Variants in MAPK15 observed in about 807,000 individuals in gnomAD.
MAPK15 encodes mitogen-activated protein kinase 15.
MAPK15 carries 61 observed loss-of-function variants against 60.8 expected under a neutral mutation model. The ratio of observed to expected loss-of-function variants is 1.00; its 90% CI spans 0.82 to 1.24. MAPK15 has a LOEUF of 1.24. MAPK15 is among the 50% of genes most tolerant of loss of function. The pLI is 0.00. For missense variants in MAPK15, 808 were observed against 741.1 expected (o/e 1.09, Z -1.05); for synonymous variants, 356 against 319.9 (o/e 1.11, Z -1.21).
intron 4 of MAPK15, 51 bp from the exon 5 acceptor site, chr8:143,718,724 G>GTT: frequency 1.3e-6 from 1 of 783,686 alleles, no homozygotes; most frequent in East Asian, 2.8e-5. Flanking sequence ...CTCCCCCCAG[G>GTT]TTGCCCCCCC....
At position 143,718,908 on chromosome 8, in the gene MAPK15, G is replaced by A. The variant is rs1554619063; in HGVS notation, c.417+3G>A. 2.5e-6 allele frequency: 4 copies of A among 1,603,280 alleles called. No individual in the cohort carries two copies. Among genetic ancestry groups the A allele is most frequent in the South Asian group, 1.1e-5 (1 of 89,916 alleles). ...ACGTTGTGCACCGGGACCAGAAGGT[G>A]CGGTTCCCCCGCCCCCGCTATGCCA... is the stretch of plus-strand genomic sequence containing the variant. On this transcript the variant is annotated splice_donor_region_variant and intron_variant, in intron 5 of 13. Coordinates refer to ENST00000338033, the MANE Select transcript of MAPK15 (RefSeq NM_139021.3).
rs1353787703 is a variant in MAPK15, at chr8:143,716,356, C to T, written c.-22C>T. On this transcript the variant is annotated 5_prime_UTR_variant, in exon 1 of 14. Transcript: ENST00000338033. The stretch of plus-strand genomic sequence containing the variant: ...CACGGCAACCGACTCAACAGTAAGG[C>T]CCCGCGGGCGTCCTGGCCGCCATGT... The T allele has an allele frequency of 2.5e-6, 4 of 1,587,822 alleles. No individual in the cohort carries two copies. The African/African-American group carries it at 5.6e-5, about 22-fold the overall frequency.
At chr8:143,718,727 G>GGCCCCCCCCCCCCCCCCCCC in intron 4 of MAPK15, 48 bp from the exon 5 acceptor site, 4 of 514,520 alleles carry the variant, frequency 7.8e-6, no homozygotes, top group Admixed American at 4.6e-5. Context: ...CCCCCAGGTT[G>GGCCCCCCCCCCCCCCCCCCC]CCCCCCCAGC....
rs782478131 is a variant in MAPK15 at position 143,721,324 on chromosome 8, GC to G, written c.1119del (p.Asp374ThrfsTer51). On this transcript the variant is annotated frameshift_variant, in exon 11 of 14. Transcript: ENST00000338033. LOFTEE classifies it high-confidence loss of function. ...CCAGGCACACCTGCACAAACCCAGA[GC>G]CGACCCTCAGCTGCCTTCTAGGACA... Reference protein sequence around the residue: ...PSQAHLHKPRADPQLPSRTPV... With the variant: ...PSQAHLHKPRXDPQLPSRTPV... 6.2e-7 allele frequency: 1 copy of G among 1,613,720 alleles called. No homozygotes were observed. Among genetic ancestry groups the G allele is most frequent in the South Asian group, 1.1e-5 (1 of 91,080 alleles).
In MAPK15 at chr8:143,721,620, A is replaced by C. The variant is rs1338593996; in HGVS notation, c.1276A>C (p.Asn426His). The C allele has an allele frequency of 6.2e-7, 1 of 1,612,032 alleles. No homozygotes were observed. The highest frequency in any genetic ancestry group is 1.3e-5 in the African/African-American group (1 of 74,974). The change falls in exon 12 of 14, where the codon AAT (asparagine) becomes CAT (histidine). Residue 426 changes from asparagine (N) to histidine (H), a missense_variant. Asn to His is a moderately conservative substitution (Grantham distance 68). Coordinates refer to ENST00000338033, the MANE Select transcript of MAPK15 (RefSeq NM_139021.3). ...APLLQTALLG[N>H]GERPPGAKEA... ...CCTGCTCCAAACTGCTCTCCTAGGG[A>C]ATGGGGAAAGGCCCCCTGGGGCGAA...
chr8:143,717,952 A>T, intron 2 of MAPK15, 95 bp from the exon 3 acceptor site: 1 of 1,567,158 alleles, frequency 6.4e-7, no homozygotes, highest in Non-Finnish European at 8.8e-7. Context: ...TCTGGTGGGT[A>T]TTGGGTGACA....
At chr8:143,718,727 G>GGGGCCCCCCCCCCCCCCCCCCCCC in intron 4 of MAPK15, 48 bp from the exon 5 acceptor site, 1 of 514,514 alleles carries the variant, frequency 1.9e-6, no homozygotes, top group Non-Finnish European at 3.2e-6. Flanking sequence ...CCCCCAGGTT[G>GGGGCCCCCCCCCCCCCCCCCCCCC]CCCCCCCAGC....
rs2131582679 is a variant in MAPK15, at chr8:143,721,577, C to T, written c.1233C>T (p.Pro411=). ...HESPRAAKNV[P]RQNSAPLLQT... ...CCCCCCGTGCAGCCAAGAACGTTCC[C>T]AGGCAGAACTCCGCTCCCCTGCTCC... Residue 411 remains proline, a synonymous_variant, in exon 12 of 14, where the codon CCC becomes CCT. Transcript: ENST00000338033. The T allele has an allele frequency of 6.2e-7, 1 of 1,613,712 alleles. No individual in the cohort carries two copies.
intron 4 of MAPK15, 49 bp from the exon 5 acceptor site, chr8:143,718,714 CTCCCCCCAGGTT>C: frequency 2.2e-6 from 2 of 907,330 alleles, no homozygotes; most frequent in Non-Finnish European, 1.7e-6. Context: ...CCCTCTCCCA[CTCCCCCCAGGTT>C]GCCCCCCCAG....
At chr8:143,717,037 T>C (rs1410503776) in intron 1 of MAPK15, among the ~76,000 whole-genome samples, 3 of 152,014 alleles carry the variant, frequency 2.0e-5, no homozygotes, top group Admixed American at 6.6e-5. Flanking sequence ...CAGGGTTGTG[T>C]ATGTGCAACT....
chr8:143,716,833 G>GGCCC (rs1440437079), intron 1 of MAPK15, among the ~76,000 whole-genome samples: 32 of 152,332 alleles, frequency 2.1e-4, no homozygotes, highest in African/African-American at 7.2e-4. Flanking sequence ...ACAGGGGCGA[G>GGCCC]GCCCGAGAAG....
chr8:143,719,439 G>C lies in MAPK15; in HGVS notation c.678G>C (p.Gln226His). 1 of 1,609,944 alleles carries C rather than the reference G, an allele frequency of 6.2e-7. No individual in the cohort carries two copies. Among genetic ancestry groups the C allele is most frequent in the Non-Finnish European group, 8.5e-7 (1 of 1,178,850 alleles). Reference sequence around the variant, plus strand: ...TCCCCGGCACGTCCACCCTCCACCAGCTGGAGCTGATCCTGGAGACCATCC... The same window carrying C: ...TCCCCGGCACGTCCACCCTCCACCACCTGGAGCTGATCCTGGAGACCATCC... ...PLFPGTSTLH[Q>H]LELILETIPP... Residue 226 changes from glutamine to histidine, a missense_variant, in exon 7 of 14, where the codon CAG (glutamine) becomes CAC (histidine). Transcript: ENST00000338033.
chr8:143,716,454 GGGGGTGCGTCCGCGCGCCGA>G lies in MAPK15; in HGVS notation c.66+16_66+35del. On this transcript the variant is annotated intron_variant, in intron 1 of 13. Transcript: ENST00000338033. Reference sequence around the variant, plus strand: ...CAGCTCGGGCAGGGGGTGAGTGCCTGGGGGTGCGTCCGCGCGCCGAGGGGCGCGGCAGATCTGCGGAGAGA... The same window carrying G: ...CAGCTCGGGCAGGGGGTGAGTGCCTGGGGGCGCGGCAGATCTGCGGAGAGA... 1 of 1,594,072 alleles carries G rather than the reference GGGGGTGCGTCCGCGCGCCGA, an allele frequency of 6.3e-7. No homozygotes were observed. The highest frequency in any genetic ancestry group is 8.5e-7 in the Non-Finnish European group (1 of 1,172,712).
chr8:143,720,947 T>C lies in MAPK15; in HGVS notation c.918-53T>C. On this transcript the variant is annotated intron_variant, in intron 9 of 13. Transcript: ENST00000338033. This position sits in a 1 kb window ranked among gnomAD's most constrained non-coding sequence, Gnocchi z 4.6. ...ACAGCAGGGACCCTGCTGTGACGGC[T>C]TGAGGGGCTCCCTTGGCCGCAGCCC... is the stretch of plus-strand genomic sequence containing the variant. 6.3e-7 allele frequency: 1 copy of C among 1,581,866 alleles called. No homozygotes were observed. Among genetic ancestry groups the C allele is most frequent in the Non-Finnish European group, 8.6e-7 (1 of 1,163,082 alleles).
rs1037820613 is a variant in MAPK15, at chr8:143,722,357, G to C, written c.*106G>C. 9.1e-7 allele frequency: 1 copy of C among 1,099,760 alleles called. No homozygotes were observed. Among genetic ancestry groups the C allele is most frequent in the Non-Finnish European group, 1.2e-6 (1 of 801,408 alleles). 68.1% of individuals were successfully genotyped at this position (1,099,760 alleles called of 1,614,324 possible). A position where few individuals can be genotyped will look rare whatever the true frequency, so the allele number is the denominator to read the frequency against. On this transcript the variant is annotated 3_prime_UTR_variant, in exon 14 of 14. Transcript: ENST00000338033. The stretch of plus-strand genomic sequence containing the variant: ...TAGCCCTCCCTGCTTTGCCTGGCCC[G>C]TTGAAGTTCCAGGGAGCTTGCCCGG...
In MAPK15 at chr8:143,720,576, A is replaced by T; in HGVS notation, c.780-127A>T. On this transcript the variant is annotated intron_variant, in intron 8 of 13. Transcript: ENST00000338033. This position sits in a 1 kb window ranked among gnomAD's most constrained non-coding sequence, Gnocchi z 4.6. ...CCCAGACTGCCTGCAGGTCAGGCAC[A>T]GGGGCATCTACCTAGACAGGACAGC... is the stretch of plus-strand genomic sequence containing the variant. 1 of 1,481,292 alleles carries T rather than the reference A, an allele frequency of 6.8e-7. No homozygotes were observed. The highest frequency in any genetic ancestry group is 9.0e-7 in the Non-Finnish European group (1 of 1,111,726). The allele number at this position is 1,481,292 out of a possible 1,614,324, so 91.8% of individuals were successfully genotyped here.
In MAPK15 at chr8:143,720,174, T is replaced by C; in HGVS notation, c.722-56T>C. The C allele has an allele frequency of 6.5e-7, 1 of 1,542,088 alleles. No individual in the cohort carries two copies. The highest frequency in any genetic ancestry group is 2.4e-5 in the East Asian group (1 of 40,912). On this transcript the variant is annotated intron_variant, in intron 7 of 13. Transcript: ENST00000338033. This position sits in a 1 kb window ranked among gnomAD's most constrained non-coding sequence, Gnocchi z 4.6. ...AAGAGATGACTGGCCCCAGATGCCC[T>C]GAGCCGCCCCAGCCGACCAGGCCTG... is the stretch of plus-strand genomic sequence containing the variant.
At position 143,719,239 on chromosome 8, in the gene MAPK15, C is replaced by T. The variant is rs1268592832; in HGVS notation, c.581+83C>T. On this transcript the variant is annotated intron_variant, in intron 6 of 13. Transcript: ENST00000338033. ...CAGGGCTCCCAGGCCTCCCGTACTC[C>T]GACCCTGCCTTGGTCCACAAGTGTT... The T allele has an allele frequency of 7.9e-6, 12 of 1,510,602 alleles. No homozygotes were observed. The Admixed American group carries it at 1.3e-4, about 16-fold the overall frequency. The allele number at this position is 1,510,602 out of a possible 1,614,324, so 93.6% of individuals were successfully genotyped here.
chr8:143,719,569 C>T (rs1817966380), intron 7 of MAPK15, 87 bp downstream of exon 7: 2 of 1,505,714 alleles, frequency 1.3e-6, no homozygotes. Context: ...CAGGCTAGGA[C>T]TGTGCTGAGA....
Sources: allele counts gnomAD v4.1 joint callset (sites outside exome capture counted in the v4.1 genomes callset), GRCh38; gene constraint gnomAD v4.1.1; non-coding constraint Gnocchi (gnomAD v3.1); transcripts MANE v1.5; gene names NCBI Gene and HGNC (gene_info 2026-07-23, HGNC 2026-07-21).